Variants in DNAH8 observed in about 807,000 individuals in gnomAD.
The protein encoded by DNAH8 is axonemal beta dynein heavy chain 8.
DNAH8 carries 382 observed loss-of-function variants against 562.1 expected under a neutral mutation model. That is an observed-to-expected ratio of 0.68 (90% CI 0.63 to 0.74). The LOEUF (loss-of-function observed/expected upper bound fraction) is 0.74, where lower values mean the gene tolerates loss of function less well. DNAH8 is among the 30% of genes least tolerant of loss of function. DNAH8 has a pLI of 0.00. For missense variants in DNAH8, 5,203 were observed against 5,620.4 expected, an observed-to-expected ratio of 0.93 and a Z score of 2.37; for synonymous variants, 1,881 against 1,919.4, an observed-to-expected ratio of 0.98 and a Z score of 0.52.
chr6:38,909,756 T>C lies in DNAH8; in HGVS notation c.9740+12T>C. 6.2e-7 allele frequency: 1 copy of C among 1,603,414 alleles called. No homozygotes were observed. Among genetic ancestry groups the C allele is most frequent in the Non-Finnish European group, 8.5e-7 (1 of 1,170,400 alleles). ...AGTTATTTCCAAAGGTAAGTGATAT[T>C]ACATAAGCACCATCGCTATGGAACC... On this transcript the variant is annotated intron_variant, in intron 65 of 92. Coordinates refer to ENST00000327475, the MANE Select transcript of DNAH8 (RefSeq NM_001206927.2).
At chr6:38,734,347 T>A in intron 4 of DNAH8, 127 bp from the exon 5 acceptor site, 2 of 864,608 alleles carry the variant, frequency 2.3e-6, no homozygotes, top group Non-Finnish European at 3.1e-6. Flanking sequence ...AAAAAATTAT[T>A]CTATGACCGT....
At position 39,020,194 on chromosome 6, in the gene DNAH8, A is replaced by C. The variant is rs939401030; in HGVS notation, c.13715-6352A>C. Among the ~76,000 whole-genome samples the C allele has an allele frequency of 1.5e-4, 23 of 152,192 alleles. 1 individual carries two copies. Among genetic ancestry groups the C allele is most frequent in the Non-Finnish European group, 5.9e-5 (4 of 68,032 alleles). ...TTATACCGAAGTTTTACTGGAGCCA[A>C]TTATGTCCTGGATTAGTCATTTCAG... On this transcript the variant is annotated intron_variant, in intron 91 of 92. Transcript: ENST00000327475.
At chr6:38,916,996 A>G (rs1781355863) in intron 68 of DNAH8, among the ~76,000 whole-genome samples, 1 of 152,200 alleles carries the variant, frequency 6.6e-6, no homozygotes, top group African/African-American at 2.4e-5. Context: ...GAGGTCTATG[A>G]TGGCAATGCC....
chr6:38,853,340 C>T lies in DNAH8; in HGVS notation c.5726C>T (p.Pro1909Leu), dbSNP rs1213475149. 6.2e-7 allele frequency: 1 copy of T among 1,613,036 alleles called. No individual in the cohort carries two copies. The highest frequency in any genetic ancestry group is 2.2e-5 in the East Asian group (1 of 44,796). The change falls in exon 41 of 93, where the codon CCA becomes CTA. Residue 1909 changes from proline to leucine, a missense_variant. Coordinates refer to ENST00000327475, the MANE Select transcript of DNAH8 (RefSeq NM_001206927.2). ...CTCTTACCATTCCTCAGCCACTTTC[C>T]AGCACAGGTGAGAATACACAATGCT... ...FQLLPFLSHFPAQVGLLGIQM... is the reference protein window; with the variant it reads ...FQLLPFLSHFLAQVGLLGIQM...
intron 7 of DNAH8, among the ~76,000 whole-genome samples, chr6:38,738,697 C>A (rs546158208): frequency 1.1e-4 from 17 of 152,076 alleles, no homozygotes; most frequent in Non-Finnish European, 2.5e-4. Context: ...TACAGAAAAG[C>A]GTTTCCAGTT....
rs184233154 is a variant in DNAH8 at position 38,916,988 on chromosome 6, G to A, written c.10141-251G>A. On this transcript the variant is annotated intron_variant, in intron 68 of 92. Coordinates refer to ENST00000327475, the MANE Select transcript of DNAH8 (RefSeq NM_001206927.2). ...CATATCAGTGGGACTTATTAACAGAGGTCTATGATGGCAATGCCTGTTAGT... is the reference window on the plus strand; with the variant it reads ...CATATCAGTGGGACTTATTAACAGAAGTCTATGATGGCAATGCCTGTTAGT... Among the ~76,000 whole-genome samples the A allele has an allele frequency of 1.2e-3, 189 of 152,218 alleles. 1 individual carries two copies. The highest frequency in any genetic ancestry group is 4.3e-3 in the African/African-American group (180 of 41,550).
In DNAH8 at chr6:38,838,094, A is replaced by G. The variant is rs1446348289; in HGVS notation, c.4466+52A>G. 1.2e-5 allele frequency: 14 copies of G among 1,147,546 alleles called. 1 individual carries two copies. In the South Asian group the frequency reaches 1.7e-4, roughly 14 times the overall value. 71.1% of individuals were successfully genotyped at this position (1,147,546 alleles called of 1,614,324 possible). On this transcript the variant is annotated intron_variant, in intron 33 of 92. Coordinates refer to ENST00000327475, the MANE Select transcript of DNAH8 (RefSeq NM_001206927.2). ...ACATGCAAATAATTAAATACTATCT[A>G]TTAGAAGAATCATGTCACCATTAAA...
chr6:38,985,469 C>T (rs1175296999), intron 87 of DNAH8, among the ~76,000 whole-genome samples: 6 of 152,116 alleles, frequency 3.9e-5, no homozygotes, highest in East Asian at 1.9e-4. Flanking sequence ...GACTAGAAAA[C>T]GGATTTTTAA....
chr6:38,852,332 G>T (rs996180892), intron 39 of DNAH8, among the ~76,000 whole-genome samples: 2 of 152,032 alleles, frequency 1.3e-5, no homozygotes, highest in Non-Finnish European at 2.9e-5. Flanking sequence ...GAATAGAAAG[G>T]CTCTGTGAAA....
intron 88 of DNAH8, among the ~76,000 whole-genome samples, chr6:38,995,047 C>A (rs1481811959): frequency 6.9e-6 from 1 of 145,678 alleles, no homozygotes; most frequent in South Asian, 2.2e-4. Context: ...GTTATAGTCT[C>A]CCCTCATTGC....
At chr6:38,912,539 G>A (rs1780982037) in intron 66 of DNAH8, among the ~76,000 whole-genome samples, 1 of 152,160 alleles carries the variant, frequency 6.6e-6, no homozygotes, top group Non-Finnish European at 1.5e-5. Context: ...ATAGTTATGA[G>A]AGAAGACTGT....
intron 91 of DNAH8, among the ~76,000 whole-genome samples, chr6:39,026,027 G>A (rs988550984): frequency 2.0e-5 from 3 of 152,170 alleles, no homozygotes; most frequent in African/African-American, 7.2e-5. Flanking sequence ...CCTTTCCAGG[G>A]TGATTGCTTT....
intron 8 of DNAH8, among the ~76,000 whole-genome samples, chr6:38,747,219 G>T (rs760415516): frequency 2.0e-5 from 3 of 151,988 alleles, no homozygotes; most frequent in African/African-American, 7.2e-5. Context: ...TCCCCATTTT[G>T]TATATAGAAC....
At chr6:38,926,455 C>T (rs1472628624) in intron 74 of DNAH8, among the ~76,000 whole-genome samples, 1 of 152,100 alleles carries the variant, frequency 6.6e-6, no homozygotes, top group Non-Finnish European at 1.5e-5. Flanking sequence ...TTGCTAATGT[C>T]GAATGTGGCT....
At chr6:38,715,947 TA>T (rs1308279960) in intron 1 of DNAH8, among the ~76,000 whole-genome samples, 11 of 23,136 alleles carry the variant, frequency 4.8e-4, no homozygotes, top group South Asian at 1.8e-3. Context: ...TATATATATA[TA>T]TATATATATA....
At chr6:38,779,857 G>A (rs1426176608) in intron 14 of DNAH8, 109 bp from the exon 15 acceptor site, 2 of 1,065,558 alleles carry the variant, frequency 1.9e-6, no homozygotes, top group Non-Finnish European at 2.8e-6. Flanking sequence ...CAACGAATGA[G>A]GGCTGGTATG....
In DNAH8 at chr6:38,815,576, C is replaced by G; in HGVS notation, c.3442C>G (p.Pro1148Ala). ...TCACTGGGGGCAACAGCAAATCCGT[C>G]CCATCAAGTCTGTCATTCCCAGCCC... Reference protein sequence around the residue: ...VAHWGQQQIRPIKSVIPSPTT... With the variant: ...VAHWGQQQIRAIKSVIPSPTT... Residue 1148 changes from proline to alanine, a missense_variant, in exon 26 of 93, where the codon CCC becomes GCC. Around this residue, in one of 6 missense-constraint regions of DNAH8, gnomAD observed 2,176 missense variants for 2,365.1 expected, o/e 0.92. Transcript: ENST00000327475. 6.2e-7 allele frequency: 1 copy of G among 1,614,010 alleles called. No individual in the cohort carries two copies. Among genetic ancestry groups the G allele is most frequent in the Non-Finnish European group, 8.5e-7 (1 of 1,179,958 alleles).
At chr6:39,003,609 A>C (rs1203658743) in intron 88 of DNAH8, among the ~76,000 whole-genome samples, 2 of 152,210 alleles carry the variant, frequency 1.3e-5, no homozygotes, top group Non-Finnish European at 2.9e-5. Flanking sequence ...ACAAAATTAG[A>C]TCATACCATA....
At chr6:38,761,884 G>T in intron 11 of DNAH8, 81 bp downstream of exon 11, 1 of 787,376 alleles carries the variant, frequency 1.3e-6, no homozygotes, top group South Asian at 2.1e-5. Flanking sequence ...CACAAAATAT[G>T]TTAACTGAAA....
Sources: gnomAD v4.1 joint callset for allele counts (sites outside exome capture counted in the v4.1 genomes callset) on GRCh38, gnomAD v4.1.1 for gene constraint, gnomAD v4.1.1 regional missense constraint, MANE v1.5 for transcripts, NCBI Gene and HGNC (gene_info 2026-07-23, HGNC 2026-07-21) for gene names.